The following FAT4 variants were observed in gnomAD, a reference collection of about 807,000 sequenced individuals.
The protein encoded by FAT4 is protocadherin Fat 4.
A neutral mutation model predicts 303.9 loss-of-function variants in FAT4; 84 were observed. That is an observed-to-expected ratio of 0.28 (90% confidence interval 0.23 to 0.33). The LOEUF (loss-of-function observed/expected upper bound fraction) is 0.33. Among genes scored for constraint, FAT4 ranks in the 10% least tolerant of loss-of-function variants. The pLI is 1.00. For missense variants in FAT4, 6,005 were observed against 6,146.8 expected (o/e 0.98, Z 0.77); for synonymous variants, 2,307 against 2,298.8 (o/e 1.00, Z -0.10).
At chr4:125,411,153 G>T (rs532688378) in intron 5 of FAT4, among the ~76,000 whole-genome samples, 1 of 152,068 alleles carries the variant, frequency 6.6e-6, no homozygotes, top group Admixed American at 6.5e-5. Context: ...CATCTTTTTA[G>T]ATGAAGGAAT....
rs925926334 is a variant in FAT4 at position 125,449,985 on chromosome 4, C to T, written c.8975C>T (p.Thr2992Ile). 1 of 1,613,680 alleles carries T rather than the reference C, an allele frequency of 6.2e-7. No homozygotes were observed. The highest frequency in any genetic ancestry group is 1.7e-5 in the Admixed American group (1 of 59,954). The change falls in exon 10 of 18, where the codon ACT becomes ATT. Residue 2992 changes from threonine to isoleucine, a missense_variant. Physicochemically the swap from Thr to Ile is moderately conservative, Grantham distance 89. Coordinates refer to ENST00000394329, the MANE Select transcript of FAT4 (RefSeq NM_001291303.3). ...APQFLKSKYF[T>I]PVTKNVKVGT... ...CAATTTCTTAAAAGTAAATATTTCA[C>T]TCCAGTCACCAAAAATGTTAAGGTT...
At chr4:125,382,638 T>G (rs1733585441) in intron 2 of FAT4, among the ~76,000 whole-genome samples, 1 of 152,180 alleles carries the variant, frequency 6.6e-6, no homozygotes, top group African/African-American at 2.4e-5. Flanking sequence ...TGGCTTCAGC[T>G]TAAAGTCACC....
At chr4:125,363,597 G>A (rs903101429) in intron 2 of FAT4, among the ~76,000 whole-genome samples, 1 of 152,020 alleles carries the variant, frequency 6.6e-6, no homozygotes, top group Non-Finnish European at 1.5e-5. Context: ...CTGGGTTCAA[G>A]CGATTCCCCT....
Position 125,481,583 on chromosome 4 carries a change from C to A in FAT4, c.12667C>A (p.Gln4223Lys). 6.2e-7 allele frequency: 1 copy of A among 1,614,000 alleles called. No individual in the cohort carries two copies. Among genetic ancestry groups the A allele is most frequent in the South Asian group, 1.1e-5 (1 of 91,072 alleles). ...GKGRLDYHMS[Q>K]NEKREYLLRQ... is the part of the protein sequence containing the mutation. ...AGGGCGCTTGGACTACCACATGAGT[C>A]AGAATGAGAAGCGGGAATATTTGTT... Residue 4223 changes from glutamine to lysine, a missense_variant, in exon 16 of 18, where the codon CAG becomes AAG. By Grantham distance (53) the Gln-to-Lys change is moderately conservative (BLOSUM62 1). Transcript: ENST00000394329.
chr4:125,481,777 C>T (rs369814386), intron 16 of FAT4, 39 bp downstream of exon 16: 17 of 1,560,094 alleles, frequency 1.1e-5, no homozygotes, highest in Admixed American at 6.7e-5. Flanking sequence ...TTGATTAGAC[C>T]GCCTGCCGTG....
intron 10 of FAT4, among the ~76,000 whole-genome samples, chr4:125,461,593 T>C (rs538079312): frequency 1.3e-5 from 2 of 152,138 alleles, no homozygotes; most frequent in East Asian, 3.9e-4. Flanking sequence ...ATTTTATACA[T>C]GTTACTTTTA....
chr4:125,368,536 A>ATG (rs1168591345), intron 2 of FAT4, among the ~76,000 whole-genome samples: 1 of 147,100 alleles, frequency 6.8e-6, no homozygotes, highest in Non-Finnish European at 1.5e-5. Flanking sequence ...ATATATATAT[A>ATG]TATAAAAATC....
intron 11 of FAT4, among the ~76,000 whole-genome samples, chr4:125,464,806 T>A (rs1726605242): frequency 6.6e-6 from 1 of 152,316 alleles, no homozygotes; most frequent in African/African-American, 2.4e-5. Context: ...CTGAGAATGA[T>A]GGTTTCCAGC....
At chr4:125,483,369 G>A (rs974886752) in intron 16 of FAT4, among the ~76,000 whole-genome samples, 1 of 152,132 alleles carries the variant, frequency 6.6e-6, no homozygotes, top group Admixed American at 6.5e-5. Flanking sequence ...ATTGAGGTCT[G>A]TGTGTTATCT....
Position 125,446,378 on chromosome 4 carries a change from A to G in FAT4, c.7285A>G (p.Thr2429Ala). The G allele has an allele frequency of 1.2e-6, 2 of 1,613,542 alleles. No individual in the cohort carries two copies. Among genetic ancestry groups the G allele is most frequent in the Non-Finnish European group, 1.7e-6 (2 of 1,179,542 alleles). The change falls in exon 9 of 18, where the codon ACA (threonine) becomes GCA (alanine). Residue 2429 changes from threonine to alanine, a missense_variant. By Grantham distance (58) the Thr-to-Ala change is moderately conservative. Transcript: ENST00000394329. ...IITSALLDRE[T>A]KDNYTLVVVC... ...CACCAGCGCATTGTTAGATAGGGAA[A>G]CAAAAGATAATTATACTTTGGTAGT...
chr4:125,316,742 C>A lies in FAT4; in HGVS notation c.331C>A (p.Leu111Ile). 1 of 1,614,008 alleles carries A rather than the reference C, an allele frequency of 6.2e-7. No individual in the cohort carries two copies. The highest frequency in any genetic ancestry group is 8.5e-7 in the Non-Finnish European group (1 of 1,180,040). ...LPSDVINLVV[L>I]SSAPTYPTEV... ...CAGCGACGTGATCAACCTGGTGGTCCTTTCCAGCGCGCCCACCTACCCCAC... is the reference window on the plus strand; with the variant it reads ...CAGCGACGTGATCAACCTGGTGGTCATTTCCAGCGCGCCCACCTACCCCAC... Residue 111 changes from leucine (L) to isoleucine (I), a missense_variant, in exon 2 of 18, where the codon CTT becomes ATT. By Grantham distance (5) the Leu-to-Ile change is conservative. Coordinates refer to ENST00000394329, the MANE Select transcript of FAT4 (RefSeq NM_001291303.3). The surrounding 1 kb of genome is among the most constrained non-coding windows in gnomAD (Gnocchi z 5.7).
intron 2 of FAT4, among the ~76,000 whole-genome samples, chr4:125,342,175 T>C (rs1038667520): frequency 1.3e-5 from 2 of 152,026 alleles, no homozygotes; most frequent in Non-Finnish European, 2.9e-5. Flanking sequence ...ATGTGATTTT[T>C]ATCAAACATA....
chr4:125,388,782 G>A (rs571427928), intron 2 of FAT4, among the ~76,000 whole-genome samples: 1 of 152,220 alleles, frequency 6.6e-6, no homozygotes, highest in African/African-American at 2.4e-5. Flanking sequence ...TTTTTATTAT[G>A]TCACCACACA....
At position 125,452,293 on chromosome 4, in the gene FAT4, A is replaced by T. The variant is rs754159024; in HGVS notation, c.11283A>T (p.Arg3761Ser). 1 of 1,614,224 alleles carries T rather than the reference A, an allele frequency of 6.2e-7. No homozygotes were observed. Among genetic ancestry groups the T allele is most frequent in the Non-Finnish European group, 8.5e-7 (1 of 1,180,034 alleles). The stretch of plus-strand genomic sequence containing the variant: ...ACAGTGCATATGAAGAGAACAATAG[A>T]ACGTTTCTTTTGGCAGCTGTGAAGC... Reference protein sequence around the residue: ...QLYSAYEENNRTFLLAAVKRN... With the variant: ...QLYSAYEENNSTFLLAAVKRN... Residue 3761 changes from arginine to serine, a missense_variant, in exon 10 of 18, where the codon AGA (arginine) becomes AGT (serine). Transcript: ENST00000394329.
chr4:125,389,692 T>G (rs566826999), intron 2 of FAT4, among the ~76,000 whole-genome samples: 1 of 152,270 alleles, frequency 6.6e-6, no homozygotes, highest in South Asian at 2.1e-4. Flanking sequence ...CTCCCATTTT[T>G]TTCACATTGC....
chr4:125,321,608 A>G, intron 2 of FAT4, 22 bp downstream of exon 2: 2 of 1,548,884 alleles, frequency 1.3e-6, no homozygotes, highest in Middle Eastern at 3.5e-4. Context: ...GTAGTCATTT[A>G]TTATTTGTTG....
rs781713839 is a variant in FAT4, at chr4:125,451,264, G to T, written c.10254G>T (p.Gly3418=). 2 of 1,613,806 alleles carry T rather than the reference G, an allele frequency of 1.2e-6. No individual in the cohort carries two copies. Among genetic ancestry groups the T allele is most frequent in the Non-Finnish European group, 1.7e-6 (2 of 1,179,990 alleles). ...TCTACAGTGTGCAGATCAGTGAAGG[G>T]GTCCCAATAGGAACTCATGTGACCT... is the stretch of plus-strand genomic sequence containing the variant. ...LNIYSVQISE[G]VPIGTHVTFV... The change falls in exon 10 of 18, where the codon GGG becomes GGT. Residue 3418 remains glycine (G), a synonymous_variant. Transcript: ENST00000394329.
At chr4:125,323,909 T>C (rs1731051574) in intron 2 of FAT4, among the ~76,000 whole-genome samples, 1 of 152,200 alleles carries the variant, frequency 6.6e-6, no homozygotes, top group African/African-American at 2.4e-5. Context: ...GCTGATCACA[T>C]TCCATGGGCA....
chr4:125,447,098 A>G (rs1725852623), intron 9 of FAT4, among the ~76,000 whole-genome samples: 4 of 152,110 alleles, frequency 2.6e-5, no homozygotes, highest in Admixed American at 2.6e-4. Context: ...TAGCAAGTTT[A>G]TGGATCCATT....
Sources: allele counts gnomAD v4.1 joint callset (sites outside exome capture counted in the v4.1 genomes callset), GRCh38; gene constraint gnomAD v4.1.1; non-coding constraint Gnocchi (gnomAD v3.1); transcripts MANE v1.5; gene names NCBI Gene and HGNC (gene_info 2026-07-23, HGNC 2026-07-21).